Variants in DIS3L2 observed in about 807,000 individuals in gnomAD.
DIS3L2 encodes DIS3-like exonuclease 2.
In DIS3L2, 34 loss-of-function variants were observed where a neutral mutation model predicts 97.5. The ratio of observed to expected loss-of-function variants is 0.35; its 90% CI spans 0.27 to 0.46. The LOEUF (loss-of-function observed/expected upper bound fraction) is 0.46, where lower values mean the gene tolerates loss of function less well. Ranked by LOEUF, DIS3L2 falls within the 20% of genes least tolerant of loss-of-function variation. DIS3L2 has a pLI of 1.00. For synonymous variants in DIS3L2, 435 were observed against 445.2 expected, an observed-to-expected ratio of 0.98 and a Z score of 0.29; for missense variants, 1,038 against 1,146.0, an observed-to-expected ratio of 0.91 and a Z score of 1.36.
chr2:232,338,377 G>A (rs539271947), downstream of DIS3L2, among the ~76,000 whole-genome samples: 1 of 152,324 alleles, frequency 6.6e-6, no homozygotes, highest in East Asian at 1.9e-4. Flanking sequence ...GGTGAACAAG[G>A]GGGTTCCTGC....
At chr2:231,996,358 G>T (rs887906145) in intron 1 of DIS3L2, among the ~76,000 whole-genome samples, 1 of 152,136 alleles carries the variant, frequency 6.6e-6, no homozygotes, top group Non-Finnish European at 1.5e-5. Context: ...TAGATTGTAG[G>T]ACCTATCTTG....
At chr2:232,102,071 C>G (rs1451742157) in intron 6 of DIS3L2, among the ~76,000 whole-genome samples, 1 of 152,180 alleles carries the variant, frequency 6.6e-6, no homozygotes, top group East Asian at 1.9e-4. Flanking sequence ...TTGGGATAGT[C>G]TGACATTTTG....
intron 5 of DIS3L2, among the ~76,000 whole-genome samples, chr2:232,074,753 T>C (rs559881504): frequency 6.6e-6 from 1 of 152,064 alleles, no homozygotes; most frequent in African/African-American, 2.4e-5. Context: ...CCTGGCTAAT[T>C]TTTTATTTTT....
At chr2:232,238,492 C>A in intron 10 of DIS3L2, 41 bp from the exon 11 acceptor site, 2 of 1,551,682 alleles carry the variant, frequency 1.3e-6, no homozygotes, top group Non-Finnish European at 1.8e-6. Context: ...AATGCTGTGG[C>A]CTTCCACGCC....
chr2:232,059,593 T>C (rs1695646079), intron 5 of DIS3L2, among the ~76,000 whole-genome samples: 1 of 152,144 alleles, frequency 6.6e-6, no homozygotes, highest in Non-Finnish European at 1.5e-5. Context: ...CACCCAAGTA[T>C]TGAACATAGT....
chr2:232,170,100 A>G (rs1417049455), intron 9 of DIS3L2, among the ~76,000 whole-genome samples: 2 of 152,134 alleles, frequency 1.3e-5, no homozygotes, highest in South Asian at 2.1e-4. Context: ...TGAGGCTTTA[A>G]AAAAGAAAAG....
intron 1 of DIS3L2, among the ~76,000 whole-genome samples, chr2:232,004,116 A>G (rs1343622493): frequency 6.6e-6 from 1 of 151,980 alleles, no homozygotes; most frequent in East Asian, 1.9e-4. Flanking sequence ...TCTGTTTCCT[A>G]GGCTGGAGTG....
chr2:232,056,276 C>T (rs1016761757), intron 5 of DIS3L2, among the ~76,000 whole-genome samples: 7 of 152,028 alleles, frequency 4.6e-5, no homozygotes, highest in African/African-American at 1.2e-4. Flanking sequence ...GAGGCTGAGG[C>T]AGGACAATCG....
At chr2:232,032,170 G>A (rs1434894429) in intron 5 of DIS3L2, among the ~76,000 whole-genome samples, 1 of 151,998 alleles carries the variant, frequency 6.6e-6, no homozygotes, top group African/African-American at 2.4e-5. Context: ...CTCCAGCATC[G>A]GTTGTTTCCT....
chr2:232,096,729 TGTCA>T (rs61235961), intron 6 of DIS3L2, among the ~76,000 whole-genome samples: 11,464 of 152,176 alleles, frequency 0.075, 1,159 homozygotes, highest in East Asian at 0.49. Flanking sequence ...TTCTTCAGTA[TGTCA>T]GTTTCATTTT....
intron 13 of DIS3L2, among the ~76,000 whole-genome samples, chr2:232,279,573 G>A (rs1253010026): frequency 6.6e-6 from 1 of 151,956 alleles, no homozygotes; most frequent in Non-Finnish European, 1.5e-5. Context: ...CTATCGCCCA[G>A]GCTGGAGTTC....
intron 13 of DIS3L2, among the ~76,000 whole-genome samples, chr2:232,289,994 G>A (rs1021325507): frequency 6.6e-6 from 1 of 152,234 alleles, no homozygotes; most frequent in Non-Finnish European, 1.5e-5. Context: ...CATTGGAAGG[G>A]GTGATATGCA....
chr2:232,275,070 T>G lies in DIS3L2; in HGVS notation c.1659+11630T>G, dbSNP rs140538984. 3.2e-3 allele frequency among the ~76,000 whole-genome samples: 492 copies of G among 152,208 alleles called. 1 individual carries two copies. Among genetic ancestry groups the G allele is most frequent in the Non-Finnish European group, 5.8e-3 (393 of 67,994 alleles). On this transcript the variant is annotated intron_variant, in intron 13 of 20. Coordinates refer to ENST00000325385, the MANE Select transcript of DIS3L2 (RefSeq NM_152383.5). ...AACCCCTATCCTTCCTCCTCCCTCCTGCCTTGCCTCTGTAGAGTCTGGGCC... is the reference window on the plus strand; with the variant it reads ...AACCCCTATCCTTCCTCCTCCCTCCGGCCTTGCCTCTGTAGAGTCTGGGCC...
At chr2:232,321,895 G>A (rs1244355657) in intron 14 of DIS3L2, among the ~76,000 whole-genome samples, 2 of 152,188 alleles carry the variant, frequency 1.3e-5, no homozygotes, top group Non-Finnish European at 2.9e-5. Flanking sequence ...GTGCGCCTGT[G>A]CCTGTGACCA....
intron 10 of DIS3L2, among the ~76,000 whole-genome samples, chr2:232,233,461 A>T (rs181541102): frequency 2.0e-5 from 3 of 152,308 alleles, no homozygotes; most frequent in Non-Finnish European, 4.4e-5. Context: ...CTGCCTCCTG[A>T]TGCCATCACA....
At chr2:232,323,414 C>T (rs1427575026) in intron 14 of DIS3L2, among the ~76,000 whole-genome samples, 4 of 152,208 alleles carry the variant, frequency 2.6e-5, no homozygotes, top group African/African-American at 9.6e-5. Context: ...CCTGAGGGCC[C>T]AAATGTGGCC....
chr2:232,332,291 C>T (rs1198076939), intron 16 of DIS3L2, among the ~76,000 whole-genome samples: 1 of 151,934 alleles, frequency 6.6e-6, no homozygotes, highest in African/African-American at 2.4e-5. Flanking sequence ...CAGGGCCCAG[C>T]AGGGGCTGGA....
At chr2:232,263,868 C>G (rs941393117) in intron 13 of DIS3L2, among the ~76,000 whole-genome samples, 2 of 151,960 alleles carry the variant, frequency 1.3e-5, no homozygotes. Flanking sequence ...GATACGAAGG[C>G]TTGGAAAAAA....
chr2:232,134,967 G>T (rs1335038298), intron 7 of DIS3L2, among the ~76,000 whole-genome samples: 1 of 152,198 alleles, frequency 6.6e-6, no homozygotes, highest in African/African-American at 2.4e-5. Flanking sequence ...AAGGGTTAAA[G>T]GTGCTAGAAG....
Sources: gnomAD v4.1 joint callset for allele counts (sites outside exome capture counted in the v4.1 genomes callset) on GRCh38, gnomAD v4.1.1 for gene constraint, MANE v1.5 for transcripts, NCBI Gene and HGNC (gene_info 2026-07-23, HGNC 2026-07-21) for gene names.